TINAG: variants seen among roughly 807,000 people sequenced by gnomAD.
The protein encoded by TINAG is tubulointerstitial nephritis antigen.
Under a neutral mutation model 72.7 loss-of-function variants are expected in TINAG, and 83 were observed. The observed-to-expected ratio is 1.14, with a 90% CI of 0.96 to 1.37. The LOEUF is 1.37. Among genes scored for constraint, TINAG ranks in the 40% most tolerant of loss-of-function variants. The pLI, the probability that TINAG is intolerant of heterozygous loss-of-function variation, is 0.00. For synonymous variants in TINAG, 234 were observed against 189.9 expected (o/e 1.23, Z -1.91); for missense variants, 685 against 576.6 (o/e 1.19, Z -1.93).
At chr6:54,350,138 A>C (rs943340355) in intron 7 of TINAG, among the ~76,000 whole-genome samples, 1 of 152,118 alleles carries the variant, frequency 6.6e-6, no homozygotes, top group Non-Finnish European at 1.5e-5. Context: ...ATAGGGTTTT[A>C]AAATTATGTT....
At chr6:54,316,634 T>G in intron 1 of TINAG, among the ~76,000 whole-genome samples, 1 of 152,194 alleles carries the variant, frequency 6.6e-6, no homozygotes, top group Non-Finnish European at 1.5e-5. Flanking sequence ...TGAACTATTT[T>G]AAAATAAATT....
Position 54,320,614 on chromosome 6 carries a change from T to G in TINAG, c.391T>G (p.Ser131Ala), listed in dbSNP as rs1784468886. 1 of 1,608,540 alleles carries G rather than the reference T, an allele frequency of 6.2e-7. No homozygotes were observed. Among genetic ancestry groups the G allele is most frequent in the African/African-American group, 1.3e-5 (1 of 74,958 alleles). ...FKDGQHYEEG[S>A]VIKENCNSCT... The stretch of plus-strand genomic sequence containing the variant: ...AGATGGTCAACATTATGAAGAGGGA[T>G]CAGTAATTAAAGAAAACTGCAACTC... The change falls in exon 2 of 11, where the codon TCA becomes GCA. Residue 131 changes from serine to alanine, a missense_variant. Physicochemically the swap from Ser to Ala is moderately conservative, Grantham distance 99 (BLOSUM62 1). Transcript: ENST00000259782.
chr6:54,322,995 C>A (rs6928234), intron 3 of TINAG, among the ~76,000 whole-genome samples: 5,028 of 152,284 alleles, frequency 0.033, 281 homozygotes, highest in African/African-American at 0.11. Context: ...ATGTGGTACA[C>A]CTAAGAATAC....
intron 5 of TINAG, among the ~76,000 whole-genome samples, chr6:54,347,021 T>C (rs1785139275): frequency 6.6e-6 from 1 of 152,020 alleles, no homozygotes; most frequent in Non-Finnish European, 1.5e-5. Context: ...GTACAGGAAA[T>C]AGAAATATAA....
chr6:54,366,263 T>C (rs1763414204), intron 9 of TINAG, among the ~76,000 whole-genome samples: 1 of 151,366 alleles, frequency 6.6e-6, no homozygotes, highest in Non-Finnish European at 1.5e-5. Flanking sequence ...TATGTGTGTG[T>C]GTGTGTGTGT....
At chr6:54,367,922 G>A (rs1763483212) in intron 9 of TINAG, among the ~76,000 whole-genome samples, 1 of 151,562 alleles carries the variant, frequency 6.6e-6, no homozygotes, top group South Asian at 2.1e-4. Flanking sequence ...CCTCACACAG[G>A]GGAGCTCTCT....
upstream of TINAG, chr6:54,308,313 G>GT (rs1385410654): frequency 1.4e-5 from 9 of 646,010 alleles, no homozygotes; most frequent in Middle Eastern, 4.2e-4. Flanking sequence ...TGAAATATAA[G>GT]TTTTTTAACT....
rs572274120 is a variant in TINAG, at chr6:54,351,175, C to T, written c.1081-177C>T. Among the ~76,000 whole-genome samples the T allele has an allele frequency of 2.0e-5, 3 of 152,066 alleles. No homozygotes were observed. In the South Asian group the frequency reaches 6.2e-4, roughly 32 times the overall value. The stretch of plus-strand genomic sequence containing the variant: ...AAATTTACTATTTAGTGATAAATGT[C>T]ATTAAAACAAATGGGTGCATCTTGT... On this transcript the variant is annotated intron_variant, in intron 7 of 10. Transcript: ENST00000259782.
intron 4 of TINAG, chr6:54,327,186 G>A: frequency 1.3e-6 from 2 of 1,542,108 alleles, no homozygotes; most frequent in South Asian, 1.2e-5. Flanking sequence ...GAACAGCTCT[G>A]GTTGGCAGCT....
chr6:54,358,003 C>T (rs1763110104), intron 9 of TINAG, among the ~76,000 whole-genome samples: 1 of 151,846 alleles, frequency 6.6e-6, no homozygotes, highest in Non-Finnish European at 1.5e-5. Flanking sequence ...TTTCTGATCT[C>T]AACTCCTACC....
chr6:54,327,202 C>CT (rs1461093730), intron 4 of TINAG: 103 of 1,528,508 alleles, frequency 6.7e-5, no homozygotes, highest in Non-Finnish European at 9.0e-5. Context: ...CAGCTCCCAG[C>CT]GAGACCAACG....
At chr6:54,374,567 C>T (rs1763725699) in intron 9 of TINAG, among the ~76,000 whole-genome samples, 1 of 152,016 alleles carries the variant, frequency 6.6e-6, no homozygotes, top group African/African-American at 2.4e-5. Flanking sequence ...TCAGGTAGAA[C>T]ATGTATAAGA....
At chr6:54,348,220 T>G (rs9474815) in intron 6 of TINAG, among the ~76,000 whole-genome samples, 41,832 of 151,912 alleles carry the variant, frequency 0.28, 6,385 homozygotes, top group African/African-American at 0.39. Flanking sequence ...GAAAATAGTG[T>G]ATGTCAGATT....
chr6:54,380,666 C>A, intron 10 of TINAG, 95 bp downstream of exon 10: 1 of 962,758 alleles, frequency 1.0e-6, no homozygotes, highest in Admixed American at 2.1e-5. Context: ...TTAGTCACAT[C>A]CTCAGCTGTG....
intron 4 of TINAG, among the ~76,000 whole-genome samples, chr6:54,329,838 G>T (rs1784694967): frequency 6.6e-6 from 1 of 151,740 alleles, no homozygotes; most frequent in Non-Finnish European, 1.5e-5. Context: ...CTCTAATAAA[G>T]CAGAATTTAA....
intron 9 of TINAG, among the ~76,000 whole-genome samples, chr6:54,376,799 T>C (rs1316654109): frequency 1.3e-5 from 2 of 152,110 alleles, no homozygotes; most frequent in Non-Finnish European, 2.9e-5. Flanking sequence ...TTTTCATATA[T>C]ATAAAAAAGT....
chr6:54,317,380 G>A (rs1784396100), intron 1 of TINAG, among the ~76,000 whole-genome samples: 1 of 150,744 alleles, frequency 6.6e-6, no homozygotes, highest in Admixed American at 7.0e-5. Flanking sequence ...CCAGTGAGAG[G>A]GAATTGAATC....
chr6:54,330,447 G>C (rs747973623), intron 4 of TINAG, among the ~76,000 whole-genome samples: 3 of 152,122 alleles, frequency 2.0e-5, no homozygotes, highest in Non-Finnish European at 4.4e-5. Context: ...CTGGGACACA[G>C]CTAAAACAGT....
At chr6:54,388,349 A>G (rs549862017) in intron 10 of TINAG, among the ~76,000 whole-genome samples, 2 of 152,316 alleles carry the variant, frequency 1.3e-5, no homozygotes, top group South Asian at 2.1e-4. Context: ...TTTTAAACAT[A>G]GTTTTGAGAG....
Sources: allele counts gnomAD v4.1 joint callset (sites outside exome capture counted in the v4.1 genomes callset), GRCh38; gene constraint gnomAD v4.1.1; transcripts MANE v1.5; gene names NCBI Gene and HGNC (gene_info 2026-07-23, HGNC 2026-07-21).